The following STPG2 variants were observed in gnomAD, a reference collection of about 807,000 sequenced individuals.
The protein encoded by STPG2 is sperm-tail PG-rich repeat-containing protein 2.
STPG2 carries 56 observed loss-of-function variants against 54.2 expected under a neutral mutation model. The ratio of observed to expected loss-of-function variants is 1.03; its 90% CI spans 0.83 to 1.29. The LOEUF (loss-of-function observed/expected upper bound fraction) is 1.29, where lower values mean the gene tolerates loss of function less well. Among genes scored for constraint, STPG2 ranks in the 50% most tolerant of loss-of-function variants. The pLI is 0.00. For synonymous variants in STPG2, 200 were observed against 181.8 expected (o/e 1.10, Z -0.81); for missense variants, 596 against 544.9 (o/e 1.09, Z -0.93).
intron 9 of STPG2, among the ~76,000 whole-genome samples, chr4:97,771,219 C>T (rs1457036946): frequency 6.6e-6 from 1 of 152,100 alleles, no homozygotes; most frequent in Non-Finnish European, 1.5e-5. Context: ...AATATCAGGT[C>T]AATCCAGAGG....
At chr4:97,527,704 G>C (rs1297660634) in intron 4 of STPG2, among the ~76,000 whole-genome samples, 1 of 152,140 alleles carries the variant, frequency 6.6e-6, no homozygotes, top group Non-Finnish European at 1.5e-5. Flanking sequence ...ACTGGTATGA[G>C]ATGGTATTTC....
chr4:97,623,602 G>A (rs932375558), intron 10 of STPG2, among the ~76,000 whole-genome samples: 1 of 152,086 alleles, frequency 6.6e-6, no homozygotes, highest in Non-Finnish European at 1.5e-5. Flanking sequence ...AACCAGCGCT[G>A]GAGAGGTAGT....
At chr4:97,729,028 G>A (rs1279626544) in intron 9 of STPG2, among the ~76,000 whole-genome samples, 2 of 142,736 alleles carry the variant, frequency 1.4e-5, no homozygotes, top group African/African-American at 5.1e-5. Context: ...GAAAAAAATG[G>A]CTTTTCATTC....
chr4:97,532,224 A>G (rs900767834), intron 4 of STPG2, among the ~76,000 whole-genome samples: 1 of 152,118 alleles, frequency 6.6e-6, no homozygotes, highest in Non-Finnish European at 1.5e-5. Context: ...AAATATATTT[A>G]GTGATTTTTT....
At chr4:97,959,997 C>T (rs529007912) in intron 7 of STPG2, among the ~76,000 whole-genome samples, 23 of 152,176 alleles carry the variant, frequency 1.5e-4, no homozygotes, top group African/African-American at 5.5e-4. Context: ...AGATAATCTA[C>T]CATGATCAAG....
chr4:98,000,002 A>G (rs1284350670), intron 5 of STPG2, among the ~76,000 whole-genome samples: 1 of 152,212 alleles, frequency 6.6e-6, no homozygotes, highest in Non-Finnish European at 1.5e-5. Flanking sequence ...TGTGGTTCTC[A>G]GTATTATATC....
chr4:98,036,700 A>G (rs1201656176), intron 5 of STPG2, among the ~76,000 whole-genome samples: 1 of 151,796 alleles, frequency 6.6e-6, no homozygotes, highest in Non-Finnish European at 1.5e-5. Flanking sequence ...AAAATAACTA[A>G]CGGGTACCAG....
intron 5 of STPG2, among the ~76,000 whole-genome samples, chr4:98,017,188 A>G (rs546206078): frequency 6.6e-6 from 1 of 152,306 alleles, no homozygotes; most frequent in East Asian, 1.9e-4. Context: ...ACAGGCCTAG[A>G]GCGTGGATCT....
intron 9 of STPG2, among the ~76,000 whole-genome samples, chr4:97,715,298 G>C (rs1724251643): frequency 6.6e-6 from 1 of 152,040 alleles, no homozygotes; most frequent in African/African-American, 2.4e-5. Flanking sequence ...TTTAATCACA[G>C]GTAATAAGGA....
chr4:97,646,248 G>A (rs571585724), intron 10 of STPG2, among the ~76,000 whole-genome samples: 1 of 152,126 alleles, frequency 6.6e-6, no homozygotes, highest in Admixed American at 6.6e-5. Context: ...ACAGTGCAAG[G>A]CTATATGCAG....
intron 4 of STPG2, among the ~76,000 whole-genome samples, chr4:97,473,585 C>T (rs1022398097): frequency 6.6e-6 from 1 of 152,106 alleles, no homozygotes; most frequent in Non-Finnish European, 1.5e-5. Context: ...TTTAATTTTG[C>T]CCCGGTCCTG....
At chr4:97,798,907 T>C (rs1483623339) in intron 9 of STPG2, among the ~76,000 whole-genome samples, 3 of 41,512 alleles carry the variant, frequency 7.2e-5, no homozygotes, top group Non-Finnish European at 1.4e-4. Context: ...TTAGCTCTTC[T>C]TGTTGAATTG....
At chr4:97,840,673 A>C (rs1728769590) in intron 9 of STPG2, 100 bp downstream of exon 9, 1 of 1,365,198 alleles carries the variant, frequency 7.3e-7, no homozygotes, top group African/African-American at 1.5e-5. Context: ...ATTTTGCTTA[A>C]CTTTTCAGTC....
intron 9 of STPG2, among the ~76,000 whole-genome samples, chr4:97,797,252 C>A (rs1485469824): frequency 6.6e-6 from 1 of 152,154 alleles, no homozygotes; most frequent in Non-Finnish European, 1.5e-5. Context: ...GAGAGGGCAT[C>A]CCTGTCTTGT....
chr4:97,825,867 G>C (rs1236205159), intron 9 of STPG2, among the ~76,000 whole-genome samples: 1 of 152,156 alleles, frequency 6.6e-6, no homozygotes, highest in Non-Finnish European at 1.5e-5. Flanking sequence ...AAGTTTTAAA[G>C]ATTATTGGTA....
intron 10 of STPG2, among the ~76,000 whole-genome samples, chr4:97,598,807 T>G (rs543268798): frequency 6.6e-6 from 1 of 151,948 alleles, no homozygotes; most frequent in Non-Finnish European, 1.5e-5. Flanking sequence ...AAAACCTAAA[T>G]CTATAAAAAC....
intron 9 of STPG2, among the ~76,000 whole-genome samples, chr4:97,791,770 A>AT (rs1560529663): frequency 1.3e-5 from 2 of 151,984 alleles, no homozygotes; most frequent in Non-Finnish European, 2.9e-5. Context: ...ACAGGAGCCT[A>AT]TTTTTTCTGC....
chr4:97,992,880 G>C (rs908388907), intron 5 of STPG2, among the ~76,000 whole-genome samples: 1 of 152,048 alleles, frequency 6.6e-6, no homozygotes, highest in Non-Finnish European at 1.5e-5. Context: ...TTGATTCTCA[G>C]CTTAATCACT....
chr4:98,109,909 A>T (rs1483853898), intron 3 of STPG2, among the ~76,000 whole-genome samples: 1 of 152,186 alleles, frequency 6.6e-6, no homozygotes, highest in Non-Finnish European at 1.5e-5. Flanking sequence ...CCACTACAAT[A>T]AATGTTAAAA....
Sources: gnomAD v4.1 joint callset for allele counts (sites outside exome capture counted in the v4.1 genomes callset) on GRCh38, gnomAD v4.1.1 for gene constraint, MANE v1.5 for transcripts, NCBI Gene and HGNC (gene_info 2026-07-23, HGNC 2026-07-21) for gene names.